Variants in NAALADL2 observed in about 807,000 individuals in gnomAD.
The protein encoded by NAALADL2 is N-acetylated alpha-linked acidic dipeptidase like 2.
Under a neutral mutation model 87.2 loss-of-function variants are expected in NAALADL2, and 76 were observed. That is an observed-to-expected ratio of 0.87 (90% confidence interval 0.72 to 1.05). The LOEUF is 1.05. Among genes scored for constraint, NAALADL2 ranks in the 50% least tolerant of loss-of-function variants. The probability of loss-of-function intolerance (pLI) is 0.00; values close to 1 mark genes in which losing one functional copy is unlikely to be tolerated. For missense variants in NAALADL2, 1,089 were observed against 945.8 expected (o/e 1.15, Z -1.99); for synonymous variants, 354 against 331.0 (o/e 1.07, Z -0.75).
chr3:175,510,961 T>C (rs1003610274), intron 9 of NAALADL2, among the ~76,000 whole-genome samples: 4 of 152,198 alleles, frequency 2.6e-5, no homozygotes, highest in African/African-American at 9.7e-5. Context: ...TTTGTTACTA[T>C]GGTGATGATG....
intron 2 of NAALADL2, among the ~76,000 whole-genome samples, chr3:174,558,700 A>G (rs940124937): frequency 1.3e-5 from 2 of 152,134 alleles, no homozygotes; most frequent in African/African-American, 4.8e-5. Context: ...TTGCTCACTT[A>G]GCTGCTGTTC....
intron 3 of NAALADL2, among the ~76,000 whole-genome samples, chr3:174,780,144 C>T (rs1263004605): frequency 6.6e-6 from 1 of 152,086 alleles, no homozygotes; most frequent in Non-Finnish European, 1.5e-5. Context: ...TCTCTTATTT[C>T]CTTGAGCAGT....
intron 1 of NAALADL2, among the ~76,000 whole-genome samples, chr3:175,012,627 C>T (rs1246074168): frequency 5.3e-5 from 8 of 151,950 alleles, no homozygotes; most frequent in Admixed American, 5.2e-4. Flanking sequence ...GCCCTCAGGC[C>T]AAATCTGGCC....
intron 1 of NAALADL2, among the ~76,000 whole-genome samples, chr3:174,976,435 T>C (rs1385727767): frequency 6.6e-6 from 1 of 152,246 alleles, no homozygotes; most frequent in East Asian, 1.9e-4. Context: ...GTATTTATTA[T>C]GTTTCTGGAA....
intron 9 of NAALADL2, among the ~76,000 whole-genome samples, chr3:175,472,232 GA>G (rs1275210854): frequency 3.3e-5 from 5 of 151,500 alleles, no homozygotes; most frequent in Non-Finnish European, 4.4e-5. Flanking sequence ...AATATTGTTT[GA>G]AAAATTACCT....
intron 11 of NAALADL2, among the ~76,000 whole-genome samples, chr3:175,734,045 A>G (rs1404958867): frequency 6.6e-6 from 1 of 152,076 alleles, no homozygotes; most frequent in African/African-American, 2.4e-5. Context: ...TTTTTCAGGT[A>G]TGCAGTGCAA....
At chr3:175,791,607 TG>T (rs199608796) in intron 13 of NAALADL2, among the ~76,000 whole-genome samples, 60 of 152,088 alleles carry the variant, frequency 3.9e-4, no homozygotes, top group Non-Finnish European at 7.5e-4. Flanking sequence ...ATGGTGGCAG[TG>T]GGGGTATCTC....
chr3:175,545,418 T>C (rs566614225), intron 9 of NAALADL2, among the ~76,000 whole-genome samples: 4 of 152,114 alleles, frequency 2.6e-5, no homozygotes, highest in Non-Finnish European at 5.9e-5. Context: ...CTTACCATCT[T>C]GTAAAGGAAT....
chr3:175,127,811 G>A (rs1006490300), intron 2 of NAALADL2, among the ~76,000 whole-genome samples: 1 of 151,988 alleles, frequency 6.6e-6, no homozygotes, highest in Non-Finnish European at 1.5e-5. Context: ...TTGAGCTCAG[G>A]AGTTTGAGAC....
chr3:175,664,459 T>C (rs1732684964), intron 11 of NAALADL2, among the ~76,000 whole-genome samples: 2 of 152,116 alleles, frequency 1.3e-5, no homozygotes, highest in Admixed American at 1.3e-4. Context: ...AAGCCAGTTG[T>C]AGTAGAGAAG....
chr3:175,057,302 ATT>A (rs1366100005), intron 1 of NAALADL2, among the ~76,000 whole-genome samples: 2 of 152,144 alleles, frequency 1.3e-5, no homozygotes, highest in Non-Finnish European at 2.9e-5. Flanking sequence ...TGAAATAACC[ATT>A]CAGTTTACCC....
chr3:175,493,948 AT>A lies in NAALADL2; in HGVS notation c.1653+22192del, dbSNP rs1458956878. On this transcript the variant is annotated intron_variant, in intron 9 of 13. Transcript: ENST00000454872. ...AACTAAGTAGGATTAGCTTGGATGTATTGGTGTAATTTCATCCTCTCTATCT... is the reference window on the plus strand; with the variant it reads ...AACTAAGTAGGATTAGCTTGGATGTATGGTGTAATTTCATCCTCTCTATCT... 8.5e-5 allele frequency among the ~76,000 whole-genome samples: 13 copies of A among 152,232 alleles called. No homozygotes were observed. In the East Asian group the frequency reaches 2.5e-3, roughly 29 times the overall value.
chr3:174,681,121 T>C (rs1727491395), intron 2 of NAALADL2, among the ~76,000 whole-genome samples: 1 of 152,132 alleles, frequency 6.6e-6, no homozygotes, highest in Admixed American at 6.5e-5. Flanking sequence ...ACTCAGCTGA[T>C]GCCTGTGGAG....
chr3:174,562,219 G>A (rs1336919634), intron 2 of NAALADL2, among the ~76,000 whole-genome samples: 1 of 152,046 alleles, frequency 6.6e-6, no homozygotes, highest in African/African-American at 2.4e-5. Context: ...AGGCATTATA[G>A]GAAGAAGGCA....
intron 1 of NAALADL2, among the ~76,000 whole-genome samples, chr3:175,066,415 C>G (rs905514879): frequency 1.4e-4 from 22 of 152,196 alleles, no homozygotes; most frequent in African/African-American, 4.8e-4. Flanking sequence ...ACCGGAAGTT[C>G]CATGAGGGCA....
chr3:175,399,659 C>T (rs1335253385), intron 5 of NAALADL2, among the ~76,000 whole-genome samples: 2 of 152,012 alleles, frequency 1.3e-5, no homozygotes, highest in African/African-American at 2.4e-5. Flanking sequence ...GGGTTTTGGC[C>T]GGCTACTTTA....
chr3:174,841,639 T>C (rs1459231980), intron 3 of NAALADL2, among the ~76,000 whole-genome samples: 1 of 152,212 alleles, frequency 6.6e-6, no homozygotes, highest in East Asian at 1.9e-4. Context: ...CTTTTCAGGG[T>C]TGATCATTTT....
chr3:175,200,042 C>T (rs1739799887), intron 2 of NAALADL2, among the ~76,000 whole-genome samples: 1 of 151,188 alleles, frequency 6.6e-6, no homozygotes, highest in Non-Finnish European at 1.5e-5. Flanking sequence ...GTTCAGCTGG[C>T]ATGATTCTGT....
At chr3:175,064,652 A>G (rs2109102631) in intron 1 of NAALADL2, among the ~76,000 whole-genome samples, 1 of 152,284 alleles carries the variant, frequency 6.6e-6, no homozygotes, top group Non-Finnish European at 1.5e-5. Flanking sequence ...CTGACCAGTG[A>G]TCTCCAACTC....
Sources: allele counts gnomAD v4.1 joint callset (sites outside exome capture counted in the v4.1 genomes callset), GRCh38; gene constraint gnomAD v4.1.1; transcripts MANE v1.5; gene names NCBI Gene and HGNC (gene_info 2026-07-23, HGNC 2026-07-21).